The following NAA60 variants were observed in gnomAD, a reference collection of about 807,000 sequenced individuals.
The protein encoded by NAA60 is N-alpha-acetyltransferase 60, NatF catalytic subunit.
In NAA60, 8 loss-of-function variants were observed where a neutral mutation model predicts 26.1. That is an observed-to-expected ratio of 0.31 (90% CI 0.18 to 0.55). The LOEUF is 0.55. Among genes scored for constraint, NAA60 ranks in the 20% least tolerant of loss-of-function variants. The pLI, the probability that NAA60 is intolerant of heterozygous loss-of-function variation, is 0.93. For missense variants in NAA60, 290 were observed against 311.3 expected (o/e 0.93, Z 0.51); for synonymous variants, 131 against 122.5 (o/e 1.07, Z -0.46).
At chr16:3,454,951 A>G (rs1209216509) in intron 2 of NAA60, among the ~76,000 whole-genome samples, 1 of 152,248 alleles carries the variant, frequency 6.6e-6, no homozygotes, top group Non-Finnish European at 1.5e-5. Flanking sequence ...GCCTAACCGA[A>G]TGAACCGTTG....
chr16:3,443,906 G>A (rs1305252090), intron 1 of NAA60, 69 bp downstream of exon 1: 7 of 1,474,004 alleles, frequency 4.7e-6, no homozygotes, highest in East Asian at 5.1e-5. Flanking sequence ...GATTGAGAGG[G>A]CGGGGGTTCG....
chr16:3,473,548 C>G (rs190427679), intron 2 of NAA60, among the ~76,000 whole-genome samples: 2 of 152,176 alleles, frequency 1.3e-5, no homozygotes, highest in Admixed American at 6.5e-5. Context: ...AGCTACAATT[C>G]AAGATGAGAT....
chr16:3,483,376 T>C lies in NAA60; in HGVS notation c.351T>C (p.Leu117=). The change falls in exon 6 of 8, where the codon CTT becomes CTC. Residue 117 remains leucine, a synonymous_variant. Transcript: ENST00000407558. ...CTTCTCCCCAAGGTTCCCTCTTACTTGAAAGTTTAAAGGATCACATATCAA... is the reference window on the plus strand; with the variant it reads ...CTTCTCCCCAAGGTTCCCTCTTACTCGAAAGTTTAAAGGATCACATATCAA... The part of the protein sequence containing the change: ...FRKHGIGSLL[L]ESLKDHISTT... 2 of 1,610,740 alleles carry C rather than the reference T, an allele frequency of 1.2e-6. No homozygotes were observed. The highest frequency in any genetic ancestry group is 1.7e-6 in the Non-Finnish European group (2 of 1,178,312).
At chr16:3,464,301 C>T (rs1469259007) in intron 2 of NAA60, among the ~76,000 whole-genome samples, 1 of 152,192 alleles carries the variant, frequency 6.6e-6, no homozygotes, top group Non-Finnish European at 1.5e-5. Flanking sequence ...GTGTGAGCCA[C>T]CACGCCCAGC....
At position 3,484,876 on chromosome 16, in the gene NAA60, C is replaced by T; in HGVS notation, c.*21C>T. Reference sequence around the variant, plus strand: ...TGTGATGTCGGCTGGGCAGCCGCCACCAGGCCCCACCCTTCGGCCGCCCGC... The same window carrying T: ...TGTGATGTCGGCTGGGCAGCCGCCATCAGGCCCCACCCTTCGGCCGCCCGC... On this transcript the variant is annotated 3_prime_UTR_variant, in exon 7 of 8. Transcript: ENST00000407558. The T allele has an allele frequency of 6.4e-7, 1 of 1,552,416 alleles. No individual in the cohort carries two copies. The highest frequency in any genetic ancestry group is 8.7e-7 in the Non-Finnish European group (1 of 1,148,332).
In NAA60 at chr16:3,484,809, C is replaced by T. The variant is rs1365101804; in HGVS notation, c.683C>T (p.Ser228Leu). The T allele has an allele frequency of 4.4e-6, 7 of 1,575,482 alleles. No homozygotes were observed. Among genetic ancestry groups the T allele is most frequent in the African/African-American group, 1.4e-5 (1 of 73,830 alleles). ...CTGCTCTGCAGCTTCCTGCCATGGT[C>T]GGGCATCTCTTCCAAGAGTGGCATC... ...HSLLCSFLPW[S>L]GISSKSGIEY... Residue 228 changes from serine (S) to leucine (L), a missense_variant, in exon 7 of 8, where the codon TCG (serine) becomes TTG (leucine). By Grantham distance (145) the Ser-to-Leu change is moderately radical. Transcript: ENST00000407558.
At position 3,479,600 on chromosome 16, in the gene NAA60, GGTAC is replaced by G; in HGVS notation, c.240+7_240+10del. Reference sequence around the variant, plus strand: ...AGAACAGGACCAAAATACATAAAGAGGTACGTACGTGTGTGCAGTGAGGACTTGG... The same window carrying G: ...AGAACAGGACCAAAATACATAAAGAGGTACGTGTGTGCAGTGAGGACTTGG... On this transcript the variant is annotated splice_donor_variant and splice_donor_region_variant and intron_variant, in intron 4 of 7. Transcript: ENST00000407558. LOFTEE classifies it high-confidence loss of function. 1 of 1,613,962 alleles carries G rather than the reference GGTAC, an allele frequency of 6.2e-7. No homozygotes were observed. The highest frequency in any genetic ancestry group is 8.5e-7 in the Non-Finnish European group (1 of 1,179,862).
chr16:3,443,680 C>G lies in NAA60; in HGVS notation c.-234C>G. 1 of 1,387,938 alleles carries G rather than the reference C, an allele frequency of 7.2e-7. No homozygotes were observed. Among genetic ancestry groups the G allele is most frequent in the Non-Finnish European group, 9.4e-7 (1 of 1,068,622 alleles). The allele number at this position is 1,387,938 out of a possible 1,614,324, so 86.0% of individuals were successfully genotyped here. A position where few individuals can be genotyped will look rare whatever the true frequency, so the allele number is the denominator to read the frequency against. ...CCTCCTTTTCTCTAAGCAACCATTT[C>G]CGCTTCCGCTGGCGGGGTCTCCTCC... On this transcript the variant is annotated 5_prime_UTR_variant, in exon 1 of 8. Transcript: ENST00000407558.
chr16:3,474,552 A>G (rs1319354516), intron 2 of NAA60, among the ~76,000 whole-genome samples: 1 of 152,232 alleles, frequency 6.6e-6, no homozygotes, highest in Non-Finnish European at 1.5e-5. Context: ...TGGACAGTGG[A>G]CGCCGCGGGC....
chr16:3,467,277 A>G (rs1431078935), intron 2 of NAA60, among the ~76,000 whole-genome samples: 3 of 151,852 alleles, frequency 2.0e-5, no homozygotes, highest in Non-Finnish European at 4.4e-5. Context: ...GTCTGGGAGC[A>G]TGTTAGGGGC....
chr16:3,451,697 C>T (rs2034792204), intron 2 of NAA60, among the ~76,000 whole-genome samples: 1 of 151,944 alleles, frequency 6.6e-6, no homozygotes, highest in Admixed American at 6.6e-5. Context: ...GTGGGTGGAT[C>T]ACCTAAGCTC....
chr16:3,461,050 G>GAGAT (rs2067265), intron 2 of NAA60, among the ~76,000 whole-genome samples: 75,703 of 151,908 alleles, frequency 0.5, 19,126 homozygotes, highest in East Asian at 0.67. Context: ...TTACAGGAGT[G>GAGAT]AGTTTGCCAG....
At chr16:3,444,638 A>C (rs1187878981) in intron 1 of NAA60, among the ~76,000 whole-genome samples, 1 of 152,230 alleles carries the variant, frequency 6.6e-6, no homozygotes, top group Non-Finnish European at 1.5e-5. Flanking sequence ...CTGATAGGAT[A>C]GTTTCAGCTA....
chr16:3,455,788 A>T (rs1264055769), intron 2 of NAA60, among the ~76,000 whole-genome samples: 1 of 151,324 alleles, frequency 6.6e-6, no homozygotes, highest in Non-Finnish European at 1.5e-5. Context: ...GCTCACTGCA[A>T]CCTCCACGTC....
At chr16:3,474,797 A>G (rs1481065868) in intron 2 of NAA60, among the ~76,000 whole-genome samples, 1 of 152,216 alleles carries the variant, frequency 6.6e-6, no homozygotes, top group Non-Finnish European at 1.5e-5. Flanking sequence ...TGATTCCAAA[A>G]TGGTGACTTT....
chr16:3,465,236 C>T (rs2035668238), intron 2 of NAA60, among the ~76,000 whole-genome samples: 1 of 148,322 alleles, frequency 6.7e-6, no homozygotes, highest in Non-Finnish European at 1.5e-5. Context: ...CACTGCACTC[C>T]AGCCTGGGCG....
At chr16:3,466,463 T>C (rs531807912) in intron 2 of NAA60, among the ~76,000 whole-genome samples, 2 of 152,256 alleles carry the variant, frequency 1.3e-5, no homozygotes, top group African/African-American at 4.8e-5. Context: ...CAGTGTTAGC[T>C]GCTGACATCC....
At chr16:3,452,956 A>G (rs1323622883) in intron 2 of NAA60, among the ~76,000 whole-genome samples, 1 of 152,122 alleles carries the variant, frequency 6.6e-6, no homozygotes, top group African/African-American at 2.4e-5. Flanking sequence ...CCTTGTCTCA[A>G]AAAAATTAAA....
intron 2 of NAA60, among the ~76,000 whole-genome samples, chr16:3,471,568 A>T (rs978040477): frequency 2.0e-5 from 3 of 152,164 alleles, no homozygotes; most frequent in African/African-American, 7.2e-5. Context: ...TCCCTGCCCC[A>T]GGCATCCACG....
Sources: allele counts gnomAD v4.1 joint callset (sites outside exome capture counted in the v4.1 genomes callset), GRCh38; gene constraint gnomAD v4.1.1; transcripts MANE v1.5; gene names NCBI Gene and HGNC (gene_info 2026-07-23, HGNC 2026-07-21).